The following NTRK3 variants were observed in gnomAD, a reference collection of about 807,000 sequenced individuals.
NTRK3 encodes NT-3 growth factor receptor.
In NTRK3, 24 loss-of-function variants were observed where a neutral mutation model predicts 91.7. That is an observed-to-expected ratio of 0.26 (90% confidence interval 0.19 to 0.37). The LOEUF (loss-of-function observed/expected upper bound fraction) is 0.37, where lower values mean the gene tolerates loss of function less well. Among genes scored for constraint, NTRK3 ranks in the 10% least tolerant of loss-of-function variants. The pLI is 1.00. For missense variants in NTRK3, 880 were observed against 1,068.9 expected, an observed-to-expected ratio of 0.82 and a Z score of 2.46; for synonymous variants, 483 against 404.0, an observed-to-expected ratio of 1.20 and a Z score of -2.34.
At chr15:88,103,078 G>A (rs118128095) in intron 13 of NTRK3, among the ~76,000 whole-genome samples, 13 of 152,266 alleles carry the variant, frequency 8.5e-5, no homozygotes, top group East Asian at 1.9e-4. Flanking sequence ...TATGCATGAC[G>A]AACGTAGGCT....
chr15:88,056,238 G>A (rs1364907169), intron 13 of NTRK3, among the ~76,000 whole-genome samples: 3 of 147,496 alleles, frequency 2.0e-5, no homozygotes, highest in Non-Finnish European at 3.0e-5. Context: ...TCATATGGAA[G>A]AGTTAAAGAA....
rs571119773 is a variant in NTRK3 at position 88,202,712 on chromosome 15, C to A, written c.249-18413G>T. 2.6e-5 allele frequency among the ~76,000 whole-genome samples: 4 copies of A among 152,298 alleles called. No homozygotes were observed. The South Asian group carries it at 8.3e-4, about 32-fold the overall frequency. On this transcript the variant is annotated intron_variant, in intron 3 of 18. Coordinates refer to ENST00000394480, the Ensembl canonical transcript of NTRK3. ...CCTGTGCAGCTGCACAGAGTGCTGTCCTGGAGAGAAGGATGTTGCCAAGGA... is the reference window on the plus strand; with the variant it reads ...CCTGTGCAGCTGCACAGAGTGCTGTACTGGAGAGAAGGATGTTGCCAAGGA...
chr15:87,953,893 G>T (rs959069562), intron 14 of NTRK3, among the ~76,000 whole-genome samples: 2 of 152,150 alleles, frequency 1.3e-5, no homozygotes, highest in Admixed American at 1.3e-4. Flanking sequence ...CTGGGAACGA[G>T]TTCTTTCTAG....
intron 14 of NTRK3, among the ~76,000 whole-genome samples, chr15:88,027,908 C>G (rs890037750): frequency 1.4e-4 from 22 of 152,164 alleles, no homozygotes; most frequent in African/African-American, 5.1e-4. Context: ...ATGGCACTGA[C>G]TAAGCTATGG....
chr15:88,062,019 T>G (rs1289984758), intron 13 of NTRK3, among the ~76,000 whole-genome samples: 2 of 152,114 alleles, frequency 1.3e-5, no homozygotes, highest in African/African-American at 4.8e-5. Context: ...AAATAAAAAA[T>G]CATACAAATT....
chr15:88,185,033 C>T (rs2046837013), intron 3 of NTRK3, among the ~76,000 whole-genome samples: 1 of 152,224 alleles, frequency 6.6e-6, no homozygotes, highest in East Asian at 1.9e-4. Context: ...CCAGTGCTTC[C>T]ACCTCTCTGA....
intron 14 of NTRK3, among the ~76,000 whole-genome samples, chr15:88,014,449 A>T (rs951626341): frequency 1.3e-5 from 2 of 152,168 alleles, no homozygotes; most frequent in Non-Finnish European, 2.9e-5. Context: ...TCTCTGAGAT[A>T]TTTTTCAGAT....
intron 13 of NTRK3, chr15:88,073,045 G>A (rs779979821): frequency 1.1e-4 from 22 of 192,890 alleles, no homozygotes; most frequent in Non-Finnish European, 2.1e-4. Flanking sequence ...GGGTCACGGA[G>A]TGGTGAGACA....
chr15:88,112,934 C>T (rs1484866653), intron 13 of NTRK3, among the ~76,000 whole-genome samples: 1 of 152,214 alleles, frequency 6.6e-6, no homozygotes, highest in Non-Finnish European at 1.5e-5. Flanking sequence ...CCACCAAGTG[C>T]GTGGCTGTGG....
chr15:88,008,718 T>C (rs963851800), intron 14 of NTRK3, among the ~76,000 whole-genome samples: 2 of 152,188 alleles, frequency 1.3e-5, no homozygotes, highest in Non-Finnish European at 2.9e-5. Context: ...CCCCCAGCGA[T>C]TCTTCATATT....
intron 13 of NTRK3, among the ~76,000 whole-genome samples, chr15:88,087,279 G>A (rs960311383): frequency 2.6e-5 from 4 of 152,134 alleles, no homozygotes; most frequent in Non-Finnish European, 5.9e-5. Context: ...GGGGCTCCAT[G>A]GAGGACAATC....
intron 17 of NTRK3, among the ~76,000 whole-genome samples, chr15:87,911,352 G>A (rs1434931957): frequency 1.3e-5 from 2 of 152,186 alleles, no homozygotes; most frequent in Non-Finnish European, 2.9e-5. Flanking sequence ...AATCTCTGTT[G>A]TAGAGTTGGC....
chr15:87,981,677 A>C (rs1448201737), intron 14 of NTRK3, among the ~76,000 whole-genome samples: 1 of 152,154 alleles, frequency 6.6e-6, no homozygotes, highest in Non-Finnish European at 1.5e-5. Context: ...TTGGACCAGA[A>C]TGTCTCAAAA....
chr15:88,098,616 G>C (rs897679941), intron 13 of NTRK3: 3 of 230,812 alleles, frequency 1.3e-5, no homozygotes, highest in African/African-American at 6.6e-5. Flanking sequence ...GCTATGGCGA[G>C]GTTGGAGTGA....
chr15:88,253,312 G>A (rs2053627228), intron 3 of NTRK3: 1 of 152,220 alleles, frequency 6.6e-6, no homozygotes, highest in South Asian at 2.1e-4. Context: ...GACCCCAGCT[G>A]CGGGTGCTTC....
chr15:88,144,350 G>A (rs1422625134), intron 6 of NTRK3, among the ~76,000 whole-genome samples: 2 of 152,196 alleles, frequency 1.3e-5, no homozygotes, highest in Non-Finnish European at 2.9e-5. Context: ...CTGTGAGTCA[G>A]GGGCTTGGCC....
chr15:87,979,648 A>C (rs898669085), intron 14 of NTRK3, among the ~76,000 whole-genome samples: 7 of 152,110 alleles, frequency 4.6e-5, no homozygotes, highest in Non-Finnish European at 7.4e-5. Context: ...GAGAAACTGG[A>C]AACACTCCAT....
rs1163729864 is a variant in NTRK3, at chr15:88,139,646, T to C, written c.465-2085A>G. 2.0e-5 allele frequency among the ~76,000 whole-genome samples: 3 copies of C among 152,140 alleles called. No homozygotes were observed. In the East Asian group the frequency reaches 5.8e-4, roughly 29 times the overall value. ...GAAAGAACTAACCCTTACTGAGCAT[T>C]TGCTTCTTACGACAACCCTGGGAGA... On this transcript the variant is annotated intron_variant, in intron 6 of 18. Transcript: ENST00000394480.
At chr15:88,021,774 C>T (rs2077613143) in intron 14 of NTRK3, among the ~76,000 whole-genome samples, 1 of 152,094 alleles carries the variant, frequency 6.6e-6, no homozygotes, top group Admixed American at 6.5e-5. Context: ...TGAGAACCGA[C>T]AAATTCTTTG....
Sources: gnomAD v4.1 joint callset for allele counts (sites outside exome capture counted in the v4.1 genomes callset) on GRCh38, gnomAD v4.1.1 for gene constraint, MANE v1.5 for transcripts, NCBI Gene and HGNC (gene_info 2026-07-23, HGNC 2026-07-21) for gene names.